Variants in NOC4L observed in about 807,000 individuals in gnomAD.
NOC4L encodes the protein nucleolar complex protein 4 homolog.
In NOC4L, 40 loss-of-function variants were observed where a neutral mutation model predicts 62.8. That is an observed-to-expected ratio of 0.64 (90% confidence interval 0.49 to 0.83). The LOEUF (loss-of-function observed/expected upper bound fraction) is 0.83, where lower values mean the gene tolerates loss of function less well. Among genes scored for constraint, NOC4L ranks in the 40% least tolerant of loss-of-function variants. The probability of loss-of-function intolerance (pLI) is 0.00; values close to 1 mark genes in which losing one functional copy is unlikely to be tolerated. For synonymous variants in NOC4L, 433 were observed against 299.8 expected, an observed-to-expected ratio of 1.44 and a Z score of -4.59; for missense variants, 927 against 701.9, an observed-to-expected ratio of 1.32 and a Z score of -3.62.
chr12:132,148,787 C>T lies in NOC4L; in HGVS notation c.793C>T (p.Pro265Ser), dbSNP rs753351919. 6.3e-7 allele frequency: 1 copy of T among 1,576,190 alleles called. No homozygotes were observed. The highest frequency in any genetic ancestry group is 1.4e-5 in the African/African-American group (1 of 73,526). ...CCACCTGCCGGCCCCCGCCCAGCTG[C>T]CCCTCAGCCTCTACAAGAAGGTGCT... ...MWLSFLKHKL[P>S]LSLYKKVLLI... Residue 265 changes from proline to serine, a missense_variant, in exon 9 of 15, where the codon CCC (proline) becomes TCC (serine). By Grantham distance (74) the Pro-to-Ser change is moderately conservative. Coordinates refer to ENST00000330579, the MANE Select transcript of NOC4L (RefSeq NM_024078.3).
intron 1 of NOC4L, 40 bp from the exon 2 acceptor site, chr12:132,144,814 C>A (rs1421084519): frequency 2.5e-6 from 4 of 1,580,420 alleles, no homozygotes; most frequent in Non-Finnish European, 3.4e-6. Context: ...GCGAAGGTGA[C>A]AGTTGGCGGC....
intron 4 of NOC4L, 27 bp from the exon 5 acceptor site, chr12:132,147,606 G>C: frequency 6.2e-7 from 1 of 1,610,634 alleles, no homozygotes; most frequent in Non-Finnish European, 8.5e-7. Flanking sequence ...GGGCCGGGCA[G>C]GGCTGCTCAC....
intron 12 of NOC4L, 26 bp downstream of exon 12, chr12:132,151,670 G>A: frequency 6.2e-7 from 1 of 1,611,542 alleles, no homozygotes; most frequent in Non-Finnish European, 8.5e-7. Flanking sequence ...CTCGGAGGCT[G>A]GGCTGGAGCT....
At chr12:132,150,795 C>G (rs919742766) in intron 9 of NOC4L, 186 bp from the exon 10 acceptor site, 3 of 606,084 alleles carry the variant, frequency 4.9e-6, no homozygotes, top group East Asian at 2.8e-5. Flanking sequence ...ACCTCTTCCC[C>G]GATCCCACTG....
intron 9 of NOC4L, 123 bp from the exon 10 acceptor site, chr12:132,150,858 G>C (rs923651829): frequency 2.8e-6 from 2 of 718,110 alleles, no homozygotes; most frequent in Admixed American, 2.2e-5. Flanking sequence ...TTGTGTCCGT[G>C]GGGGCTGTGG....
At chr12:132,148,526 T>C (rs1354159643) in intron 7 of NOC4L, 83 bp from the exon 8 acceptor site, 72 of 1,466,334 alleles carry the variant, frequency 4.9e-5, no homozygotes, top group Non-Finnish European at 6.7e-5. Flanking sequence ...TGGCTCAGGC[T>C]GGGCTTCGGG....
Position 132,147,991 on chromosome 12 carries a change from G to A in NOC4L, c.703+12G>A, listed in dbSNP as rs1466024027. 1.2e-6 allele frequency: 2 copies of A among 1,612,128 alleles called. No individual in the cohort carries two copies. Among genetic ancestry groups the A allele is most frequent in the Non-Finnish European group, 1.7e-6 (2 of 1,179,506 alleles). Reference sequence around the variant, plus strand: ...TGTGAAGCGGGCGGGTGAGTGTGCTGAGAGTCAGGGGCGGACAGGGCTGAG... The same window carrying A: ...TGTGAAGCGGGCGGGTGAGTGTGCTAAGAGTCAGGGGCGGACAGGGCTGAG... On this transcript the variant is annotated intron_variant, in intron 6 of 14. Transcript: ENST00000330579.
At chr12:132,148,159 G>A in intron 7 of NOC4L, 53 bp downstream of exon 7, 2 of 1,591,036 alleles carry the variant, frequency 1.3e-6, no homozygotes, top group Non-Finnish European at 1.7e-6. Flanking sequence ...GGTGTGTGTG[G>A]GGTGCATGTG....
chr12:132,148,726 C>A (rs2136691258), intron 8 of NOC4L, 58 bp from the exon 9 acceptor site: 3 of 1,401,364 alleles, frequency 2.1e-6, no homozygotes, highest in East Asian at 5.2e-5. Context: ...AGGCCTCACC[C>A]CGACCCGCCG....
chr12:132,145,594 A>T lies in NOC4L; in HGVS notation c.274A>T (p.Met92Leu), dbSNP rs1423515050. 6 of 1,613,294 alleles carry T rather than the reference A, an allele frequency of 3.7e-6. No homozygotes were observed. In the African/African-American group the frequency reaches 8.0e-5, roughly 22 times the overall value. ...QGATRKYKVW[M>L]RHRYHSCCNR... ...AGCCACACGGAAGTACAAGGTGTGG[A>T]TGAGACACCGCTATCACAGCTGCTG... The change falls in exon 3 of 15, where the codon ATG becomes TTG. Residue 92 changes from methionine to leucine, a missense_variant. Coordinates refer to ENST00000330579, the MANE Select transcript of NOC4L (RefSeq NM_024078.3).
Position 132,147,681 on chromosome 12 carries a change from C to G in NOC4L, c.502C>G (p.Leu168Val), listed in dbSNP as rs748054380. ...LSPEEDQSLLLSQFREYLDYD... is the reference protein window; with the variant it reads ...LSPEEDQSLLVSQFREYLDYD... ...TCCTGAGGAGGACCAGAGCCTGCTC[C>G]TGTCCCAGTTCCGGGAGTACCTGGA... Residue 168 changes from leucine to valine, a missense_variant, in exon 5 of 15, where the codon CTG becomes GTG. Coordinates refer to ENST00000330579, the MANE Select transcript of NOC4L (RefSeq NM_024078.3). The G allele has an allele frequency of 1.9e-6, 3 of 1,612,820 alleles. No homozygotes were observed. Among genetic ancestry groups the G allele is most frequent in the Non-Finnish European group, 2.5e-6 (3 of 1,179,954 alleles).
rs1416150525 is a variant in NOC4L, at chr12:132,147,761, G to C, written c.582G>C (p.Arg194=). The C allele has an allele frequency of 2.5e-6, 4 of 1,612,640 alleles. No homozygotes were observed. The highest frequency in any genetic ancestry group is 2.5e-6 in the Non-Finnish European group (3 of 1,179,952). Residue 194 remains arginine, a synonymous_variant, in exon 5 of 15, where the codon CGG becomes CGC. Transcript: ENST00000330579. Reference sequence around the variant, plus strand: ...AGGCAGCCGTGGATGCCGTGGCCCGGGTCACTGGCCAGCACCCCGAGGTGG... The same window carrying C: ...AGGCAGCCGTGGATGCCGTGGCCCGCGTCACTGGCCAGCACCCCGAGGTGG... ...TMQAAVDAVA[R]VTGQHPEVPP... is the part of the protein sequence containing the mutation.
At chr12:132,151,134 T>C (rs1897922741) in intron 10 of NOC4L, 93 bp downstream of exon 10, 2 of 1,433,976 alleles carry the variant, frequency 1.4e-6, no homozygotes, top group South Asian at 2.4e-5. Flanking sequence ...GTCCCCGCTT[T>C]CCTCACAGGC....
At chr12:132,151,882 C>T (rs548039875) in intron 13 of NOC4L, 62 bp downstream of exon 13, 1 of 1,527,784 alleles carries the variant, frequency 6.5e-7, no homozygotes, top group South Asian at 1.1e-5. Flanking sequence ...CTCAGAAAGC[C>T]CAGCTCCCCG....
In NOC4L at chr12:132,147,272, C is replaced by G. The variant is rs745346391; in HGVS notation, c.346-9C>G. On this transcript the variant is annotated splice_polypyrimidine_tract_variant and intron_variant, in intron 3 of 14. Transcript: ENST00000330579. ...GCATCACAGCCACCCTGCACTGCCC[C>G]CTTCCCAGGAGCTGGCCCTCAGCGC... The G allele has an allele frequency of 1.3e-6, 2 of 1,520,042 alleles. No individual in the cohort carries two copies. Among genetic ancestry groups the G allele is most frequent in the Middle Eastern group, 1.8e-4 (1 of 5,602 alleles). The allele number at this position is 1,520,042 out of a possible 1,614,324, so 94.2% of individuals were successfully genotyped here.
Position 132,148,862 on chromosome 12 carries a change from A to C in NOC4L, c.868A>C (p.Met290Leu), listed in dbSNP as rs750161277. The C allele has an allele frequency of 6.2e-7, 1 of 1,600,450 alleles. No individual in the cohort carries two copies. Among genetic ancestry groups the C allele is most frequent in the Non-Finnish European group, 8.5e-7 (1 of 1,178,492 alleles). The change falls in exon 9 of 15, where the codon ATG (methionine) becomes CTG (leucine). Residue 290 changes from methionine to leucine, a missense_variant. Physicochemically the swap from Met to Leu is conservative, Grantham distance 15 (BLOSUM62 2). Transcript: ENST00000330579. ...ILPQLAQPTL[M>L]IDFLTRACDL... is the part of the protein sequence containing the mutation. ...GCCGCAGCTGGCGCAGCCCACGCTCATGATCGACTTCCTCACCCGCGCCTG... is the reference window on the plus strand; with the variant it reads ...GCCGCAGCTGGCGCAGCCCACGCTCCTGATCGACTTCCTCACCCGCGCCTG...
chr12:132,150,935 G>A (rs750773840), intron 9 of NOC4L, 46 bp from the exon 10 acceptor site: 1 of 1,420,410 alleles, frequency 7.0e-7, no homozygotes, highest in South Asian at 1.2e-5. Flanking sequence ...GGGGTAGGGT[G>A]GGAGCGAGGT....
chr12:132,146,264 C>A (rs1170790425), intron 3 of NOC4L: 1 of 455,996 alleles, frequency 2.2e-6, no homozygotes, highest in East Asian at 6.9e-5. Flanking sequence ...GGGGATCATA[C>A]GGTATGTGGC....
At position 132,144,841 on chromosome 12, in the gene NOC4L, G is replaced by A. The variant is rs781466597; in HGVS notation, c.118-13G>A. The A allele has an allele frequency of 1.0e-4, 163 of 1,595,058 alleles. No individual in the cohort carries two copies. The highest frequency in any genetic ancestry group is 1.3e-4 in the Non-Finnish European group (158 of 1,173,340). On this transcript the variant is annotated splice_polypyrimidine_tract_variant and intron_variant, in intron 1 of 14. Transcript: ENST00000330579. Reference sequence around the variant, plus strand: ...GTTGGCGGCCGGGCACCCTGCCGCCGCCTCTCCTGCAGTCTGAGGACCAGG... The same window carrying A: ...GTTGGCGGCCGGGCACCCTGCCGCCACCTCTCCTGCAGTCTGAGGACCAGG...
Sources: gnomAD v4.1 joint callset for allele counts on GRCh38, gnomAD v4.1.1 for gene constraint, MANE v1.5 for transcripts, NCBI Gene and HGNC (gene_info 2026-07-23, HGNC 2026-07-21) for gene names.